Variants in ESPN observed in about 807,000 individuals in gnomAD.
ESPN encodes the protein autosomal recessive deafness type 36 protein.
Under a neutral mutation model 77.7 loss-of-function variants are expected in ESPN, and 68 were observed. The observed-to-expected ratio is 0.87, with a 90% CI of 0.72 to 1.07. The LOEUF (loss-of-function observed/expected upper bound fraction) is 1.07, where lower values mean the gene tolerates loss of function less well. ESPN is among the 50% of genes least tolerant of loss of function. The pLI is 0.00. For missense variants in ESPN, 1,060 were observed against 1,239.0 expected (o/e 0.86, Z 2.17); for synonymous variants, 449 against 567.1 (o/e 0.79, Z 2.96).
chr1:6,441,850 C>A (rs1643646791), intron 5 of ESPN, among the ~76,000 whole-genome samples: 1 of 139,288 alleles, frequency 7.2e-6, no homozygotes. Context: ...ACCGTCTGTC[C>A]ATCTGCCCTC....
At position 6,437,106 on chromosome 1, in the gene ESPN, A is replaced by G. The variant is rs556435667; in HGVS notation, c.489-3148A>G. 6.6e-6 allele frequency among the ~76,000 whole-genome samples: 1 copy of G among 152,252 alleles called. No individual in the cohort carries two copies. The highest frequency in any genetic ancestry group is 2.1e-4 in the South Asian group (1 of 4,812). On this transcript the variant is annotated intron_variant, in intron 2 of 12. Coordinates refer to ENST00000645284, the MANE Select transcript of ESPN (RefSeq NM_031475.3). This position sits in a 1 kb window ranked among gnomAD's most constrained non-coding sequence, Gnocchi z 4.5. ...TGGTGGAATACTAACGAGAATGGTG[A>G]TGAGCTCCAGCACTTACTGAGGGCT...
At chr1:6,443,864 C>A (rs757064635) in intron 5 of ESPN, among the ~76,000 whole-genome samples, 3 of 151,030 alleles carry the variant, frequency 2.0e-5, no homozygotes, top group Non-Finnish European at 4.4e-5. Context: ...TAAGCAGGGC[C>A]CCCACCACAG....
At chr1:6,449,285 G>A (rs539671965) in intron 8 of ESPN, among the ~76,000 whole-genome samples, 194 bp downstream of exon 8, 74 of 152,328 alleles carry the variant, frequency 4.9e-4, no homozygotes, top group African/African-American at 1.7e-3. Flanking sequence ...GCCAAAGCAC[G>A]ACCGGGCTGC....
rs761820944 is a variant in ESPN at position 6,425,225 on chromosome 1, G to A, written c.270G>A (p.Leu90=). 1.5e-5 allele frequency: 24 copies of A among 1,562,692 alleles called. No homozygotes were observed. The highest frequency in any genetic ancestry group is 4.3e-4 in the Middle Eastern group (2 of 4,656). Residue 90 remains leucine, a synonymous_variant, in exon 1 of 13, where the codon CTG becomes CTA. Coordinates refer to ENST00000645284, the MANE Select transcript of ESPN (RefSeq NM_031475.3). ...ACCTCGCCTGCCTGCAGTGGCTGCT[G>A]TCGCAGGGCGGCTGCAGAGTGCAGG... The part of the protein sequence containing the change: ...TGHLACLQWL[L]SQGGCRVQDK...
rs1643763680 is a variant in ESPN at position 6,444,674 on chromosome 1, C to G, written c.1184C>G (p.Pro395Arg). 6.2e-7 allele frequency: 1 copy of G among 1,614,160 alleles called. No individual in the cohort carries two copies. The highest frequency in any genetic ancestry group is 8.5e-7 in the Non-Finnish European group (1 of 1,179,998). Reference protein sequence around the residue: ...SSHSSIKGQHPPCGLSSARAA... With the variant: ...SSHSSIKGQHRPCGLSSARAA... ...CACTCCAGCATCAAGGGCCAGCACC[C>G]TCCATGTGGTGAGTGTGCCCAGGAG... Residue 395 changes from proline (P) to arginine (R), a missense_variant, in exon 6 of 13, where the codon CCT (proline) becomes CGT (arginine). Pro to Arg is a moderately radical substitution (Grantham distance 103, BLOSUM62 -2). This residue lies in a region of ESPN where 556 missense variants were observed against 633.6 expected (regional missense o/e 0.88). Transcript: ENST00000645284.
Position 6,427,868 on chromosome 1 carries a change from T to C in ESPN, c.295-358T>C, listed in dbSNP as rs1328389829. ...GTCACTCCTTCAGGCATTCCCTGAG[T>C]CCCTGGGAGTCAGGGCTGTGGCCCT... On this transcript the variant is annotated intron_variant, in intron 1 of 12. Transcript: ENST00000645284. The surrounding 1 kb of genome is among the most constrained non-coding windows in gnomAD (Gnocchi z 4.6). Among the ~76,000 whole-genome samples the C allele has an allele frequency of 6.6e-6, 1 of 152,158 alleles. No homozygotes were observed. The highest frequency in any genetic ancestry group is 1.5e-5 in the Non-Finnish European group (1 of 68,010).
chr1:6,458,914 C>G (rs1308594711), intron 12 of ESPN, among the ~76,000 whole-genome samples: 1 of 135,194 alleles, frequency 7.4e-6, no homozygotes, highest in Non-Finnish European at 1.5e-5. Context: ...GCCTGGGCAA[C>G]AGAGTGAGAC....
intron 2 of ESPN, 149 bp from the exon 3 acceptor site, chr1:6,440,105 C>T: frequency 5.9e-6 from 5 of 852,608 alleles, no homozygotes; most frequent in Non-Finnish European, 9.5e-6. Context: ...CAGGGGGAGC[C>T]CCCCGGGCAG....
At position 6,451,994 on chromosome 1, in the gene ESPN, C is replaced by T. The variant is rs753302715; in HGVS notation, c.2223C>T (p.Pro741=). ...AGCTGGACGTGGAGGCTCTCATCCC[C>T]ACGCACGATGAGCAGGGCCGGCCCA... ...GVQLDVEALI[P]THDEQGRPIP... Residue 741 remains proline (P), a synonymous_variant, in exon 10 of 13, where the codon CCC becomes CCT. Transcript: ENST00000645284. The surrounding 1 kb of genome is among the most constrained non-coding windows in gnomAD (Gnocchi z 4.3). 1.3e-5 allele frequency: 21 copies of T among 1,607,346 alleles called. No homozygotes were observed. The highest frequency in any genetic ancestry group is 1.8e-5 in the Non-Finnish European group (21 of 1,177,002).
Position 6,442,446 on chromosome 1 carries a change from C to T in ESPN, c.990+1381C>T, listed in dbSNP as rs573990994. Among the ~76,000 whole-genome samples the T allele has an allele frequency of 5.3e-5, 8 of 151,530 alleles. No individual in the cohort carries two copies. The South Asian group carries it at 1.5e-3, about 28-fold the overall frequency. ...AAATTTAGCCAGGTATGGTAGCACACGCCTGTAGTCCCAGCTACTCGGGAG... is the reference window on the plus strand; with the variant it reads ...AAATTTAGCCAGGTATGGTAGCACATGCCTGTAGTCCCAGCTACTCGGGAG... On this transcript the variant is annotated intron_variant, in intron 5 of 12. Transcript: ENST00000645284.
rs1644072150 is a variant in ESPN, at chr1:6,457,232, G to T, written c.2374G>T (p.Asp792Tyr). ...RLASMPAWRR[D>Y]LLRKKLEEER... is the part of the protein sequence containing the mutation. ...GGCCAGCATGCCCGCCTGGAGGCGG[G>T]ACCTCCTGCGGAAGAAGCTGGAAGA... is the stretch of plus-strand genomic sequence containing the variant. Residue 792 changes from aspartate (D) to tyrosine (Y), a missense_variant, in exon 11 of 13, where the codon GAC becomes TAC. Asp to Tyr is a radical substitution (Grantham distance 160). Around this residue, in one of 3 missense-constraint regions of ESPN, gnomAD observed 374 missense variants for 381.4 expected, o/e 0.98. Transcript: ENST00000645284. The T allele has an allele frequency of 6.2e-7, 1 of 1,613,418 alleles. No homozygotes were observed. The highest frequency in any genetic ancestry group is 8.5e-7 in the Non-Finnish European group (1 of 1,179,692).
rs970960461 is a variant in ESPN at position 6,437,874 on chromosome 1, G to C, written c.489-2380G>C. On this transcript the variant is annotated intron_variant, in intron 2 of 12. Coordinates refer to ENST00000645284, the MANE Select transcript of ESPN (RefSeq NM_031475.3). This position sits in a 1 kb window ranked among gnomAD's most constrained non-coding sequence, Gnocchi z 4.5. ...GAGGGTCTCAGGATGTGTGTGAGAG[G>C]GAGGGAGAGGGCACACGTGACAGGG... is the stretch of plus-strand genomic sequence containing the variant. 2 of 152,216 alleles carry C rather than the reference G, an allele frequency of 1.3e-5. No individual in the cohort carries two copies. The highest frequency in any genetic ancestry group is 4.8e-5 in the African/African-American group (2 of 41,346). 9.4% of individuals were successfully genotyped at this position (152,216 alleles called of 1,614,324 possible).
At chr1:6,452,722 G>T (rs1216311816) in intron 10 of ESPN, among the ~76,000 whole-genome samples, 3 of 152,162 alleles carry the variant, frequency 2.0e-5, no homozygotes, top group East Asian at 1.9e-4. Flanking sequence ...GAGGGCTTTG[G>T]TCTCAGTCTT....
chr1:6,444,147 G>A lies in ESPN; in HGVS notation c.991-334G>A, dbSNP rs144670831. On this transcript the variant is annotated intron_variant, in intron 5 of 12. Transcript: ENST00000645284. ...TGCGCCTCCCCATGGAGCCTCTGCC[G>A]ATCCGTGAGGGAGAAGGCCGATCTC... 1.2e-3 allele frequency among the ~76,000 whole-genome samples: 179 copies of A among 152,352 alleles called. 1 individual carries two copies. Among genetic ancestry groups the A allele is most frequent in the African/African-American group, 3.9e-3 (162 of 41,588 alleles).
intron 12 of ESPN, among the ~76,000 whole-genome samples, chr1:6,458,461 G>T (rs1486947448): frequency 6.6e-6 from 1 of 151,204 alleles, no homozygotes; most frequent in African/African-American, 2.4e-5. Flanking sequence ...GATTACAGGC[G>T]CCCGCCACCA....
At chr1:6,429,680 G>C (rs60316984) in intron 2 of ESPN, among the ~76,000 whole-genome samples, 1 of 152,210 alleles carries the variant, frequency 6.6e-6, no homozygotes, top group South Asian at 2.1e-4. Context: ...GGTGGGGACC[G>C]CCAGCCCCTG....
At chr1:6,456,859 G>C (rs1644065925) in intron 10 of ESPN, among the ~76,000 whole-genome samples, 1 of 152,232 alleles carries the variant, frequency 6.6e-6, no homozygotes, top group Non-Finnish European at 1.5e-5. Context: ...CGTCTGCCCA[G>C]AGGTCTTGGG....
At chr1:6,432,767 A>G (rs1481253415) in intron 2 of ESPN, among the ~76,000 whole-genome samples, 1 of 152,256 alleles carries the variant, frequency 6.6e-6, no homozygotes, top group Non-Finnish European at 1.5e-5. Context: ...GAAAAGGGGA[A>G]GTCCCCAGTA....
At chr1:6,458,256 G>T (rs1429975485) in intron 12 of ESPN, among the ~76,000 whole-genome samples, 1 of 152,034 alleles carries the variant, frequency 6.6e-6, no homozygotes, top group Non-Finnish European at 1.5e-5. Flanking sequence ...GACCTGAAGC[G>T]ATCCACCCGC....
Sources: gnomAD v4.1 joint callset for allele counts (sites outside exome capture counted in the v4.1 genomes callset) on GRCh38, gnomAD v4.1.1 for gene constraint, gnomAD v4.1.1 regional missense constraint, Gnocchi (gnomAD v3.1) non-coding constraint, MANE v1.5 for transcripts, NCBI Gene and HGNC (gene_info 2026-07-23, HGNC 2026-07-21) for gene names.